The following PANK1 variants were observed in gnomAD, a reference collection of about 807,000 sequenced individuals.
PANK1 encodes pantothenic acid kinase 1.
In PANK1, 18 loss-of-function variants were observed where a neutral mutation model predicts 40.1. That is an observed-to-expected ratio of 0.45 (90% CI 0.31 to 0.67). The LOEUF is 0.67. Among genes scored for constraint, PANK1 ranks in the 30% least tolerant of loss-of-function variants. The pLI is 0.06. For synonymous variants in PANK1, 242 were observed against 237.7 expected (o/e 1.02, Z -0.17); for missense variants, 457 against 599.6 (o/e 0.76, Z 2.48).
At chr10:89,610,300 T>C (rs1312608983) in intron 2 of PANK1, among the ~76,000 whole-genome samples, 1 of 152,168 alleles carries the variant, frequency 6.6e-6, no homozygotes, top group Non-Finnish European at 1.5e-5. Flanking sequence ...TCAATGGTTT[T>C]TCCATTATGG....
chr10:89,629,737 G>C (rs893358583), intron 1 of PANK1, among the ~76,000 whole-genome samples: 3 of 152,154 alleles, frequency 2.0e-5, no homozygotes, highest in African/African-American at 7.2e-5. Flanking sequence ...ATTTATTTCT[G>C]TACTTTATTT....
At chr10:89,643,967 A>C in intron 1 of PANK1, 9 of 877,970 alleles carry the variant, frequency 1.0e-5, no homozygotes, top group Non-Finnish European at 1.1e-5. Flanking sequence ...TCCACCTCCA[A>C]TCCTCATTGG....
At chr10:89,599,086 A>T in intron 3 of PANK1, 166 bp downstream of exon 3, 1 of 624,906 alleles carries the variant, frequency 1.6e-6, no homozygotes, top group South Asian at 2.1e-5. Flanking sequence ...CATTTATATA[A>T]ATCACCCACA....
At chr10:89,638,190 C>T (rs1841877557) in intron 1 of PANK1, among the ~76,000 whole-genome samples, 1 of 152,220 alleles carries the variant, frequency 6.6e-6, no homozygotes, top group Non-Finnish European at 1.5e-5. Flanking sequence ...TATGATACCA[C>T]TGGGCAATAA....
chr10:89,620,142 T>G (rs1434717061), intron 1 of PANK1, among the ~76,000 whole-genome samples: 3 of 152,200 alleles, frequency 2.0e-5, no homozygotes, highest in African/African-American at 7.2e-5. Flanking sequence ...CTGTGTTGAT[T>G]GCGTTAACTG....
At chr10:89,599,615 A>T in intron 2 of PANK1, 110 bp from the exon 3 acceptor site, 2 of 1,048,192 alleles carry the variant, frequency 1.9e-6, no homozygotes, top group Non-Finnish European at 2.8e-6. Context: ...AAGCATGGAG[A>T]CACCCTTAAA....
intron 1 of PANK1, among the ~76,000 whole-genome samples, chr10:89,615,725 A>G (rs11185796): frequency 0.15 from 23,034 of 152,100 alleles, 2,173 homozygotes; most frequent in East Asian, 0.45. Flanking sequence ...CTATGTTTAT[A>G]TCTTACCTCC....
intron 1 of PANK1, among the ~76,000 whole-genome samples, chr10:89,635,294 T>C (rs1211168375): frequency 1.3e-5 from 2 of 152,164 alleles, no homozygotes; most frequent in Non-Finnish European, 1.5e-5. Context: ...TTCTAGAGGC[T>C]AGTAAGGCCA....
intron 1 of PANK1, among the ~76,000 whole-genome samples, chr10:89,625,454 C>A (rs1358736130): frequency 6.6e-6 from 1 of 152,164 alleles, no homozygotes; most frequent in African/African-American, 2.4e-5. Context: ...CATGACTAAA[C>A]CCCATGGCTG....
intron 2 of PANK1, among the ~76,000 whole-genome samples, chr10:89,611,132 C>T (rs1447426086): frequency 6.6e-6 from 1 of 152,186 alleles, no homozygotes; most frequent in Non-Finnish European, 1.5e-5. Context: ...TAAAATTATA[C>T]TCCCTAAATG....
intron 1 of PANK1, among the ~76,000 whole-genome samples, chr10:89,627,375 T>C (rs763723565): frequency 1.8e-4 from 28 of 152,150 alleles, no homozygotes; most frequent in Non-Finnish European, 5.9e-5. Flanking sequence ...TTAAAGTATA[T>C]GGGATGATAT....
At chr10:89,613,668 G>A (rs936315073) in intron 1 of PANK1, among the ~76,000 whole-genome samples, 4 of 152,188 alleles carry the variant, frequency 2.6e-5, no homozygotes, top group Non-Finnish European at 4.4e-5. Context: ...CTTTGCAGAC[G>A]TTTACAAAGC....
At chr10:89,644,078 G>C (rs1049188813) in intron 1 of PANK1, 7 of 245,398 alleles carry the variant, frequency 2.9e-5, no homozygotes, top group Admixed American at 1.0e-4. Flanking sequence ...TGTGATTTTG[G>C]GGGGTAGTTA....
At chr10:89,642,462 C>T (rs981052931) in intron 1 of PANK1, among the ~76,000 whole-genome samples, 2 of 152,208 alleles carry the variant, frequency 1.3e-5, no homozygotes, top group Non-Finnish European at 2.9e-5. Context: ...TGCTTCGCCA[C>T]CAGCACACAC....
At chr10:89,630,500 T>G (rs968874977) in intron 1 of PANK1, among the ~76,000 whole-genome samples, 3 of 65,590 alleles carry the variant, frequency 4.6e-5, no homozygotes, top group Non-Finnish European at 8.4e-5. Flanking sequence ...AGTTTTTTTG[T>G]TTTTTTTTTT....
In PANK1 at chr10:89,584,214, C is replaced by T; in HGVS notation, c.*192G>A. Reference sequence around the variant, plus strand: ...TACAGAAAAAAAACCTTTTATATTCCCCCGTTTTGAATCATTAGCTCAAAA... The same window carrying T: ...TACAGAAAAAAAACCTTTTATATTCTCCCGTTTTGAATCATTAGCTCAAAA... On this transcript the variant is annotated 3_prime_UTR_variant, in exon 7 of 7. Coordinates refer to ENST00000307534, the MANE Select transcript of PANK1 (RefSeq NM_148977.3). 2 of 519,786 alleles carry T rather than the reference C, an allele frequency of 3.8e-6. No homozygotes were observed. Among genetic ancestry groups the T allele is most frequent in the Non-Finnish European group, 6.9e-6 (2 of 288,248 alleles). The allele number at this position is 519,786 out of a possible 1,614,324, so 32.2% of individuals were successfully genotyped here. A position where few individuals can be genotyped will look rare whatever the true frequency, so the allele number is the denominator to read the frequency against.
chr10:89,621,630 G>T (rs1175533052), intron 1 of PANK1, among the ~76,000 whole-genome samples: 1 of 152,176 alleles, frequency 6.6e-6, no homozygotes, highest in Non-Finnish European at 1.5e-5. Flanking sequence ...GGTCTGAGGT[G>T]AGGTGTCTGT....
chr10:89,597,211 T>C (rs144188490), intron 3 of PANK1, among the ~76,000 whole-genome samples: 5 of 152,346 alleles, frequency 3.3e-5, no homozygotes, highest in African/African-American at 1.2e-4. Context: ...AAATGTGTTT[T>C]ACACACTCAT....
intron 2 of PANK1, among the ~76,000 whole-genome samples, chr10:89,605,681 C>T (rs1844941232): frequency 1.3e-5 from 2 of 152,132 alleles, no homozygotes; most frequent in African/African-American, 2.4e-5. Flanking sequence ...TCACTTCTTC[C>T]AAACTCCTCC....
Sources: gnomAD v4.1 joint callset for allele counts (sites outside exome capture counted in the v4.1 genomes callset) on GRCh38, gnomAD v4.1.1 for gene constraint, MANE v1.5 for transcripts, NCBI Gene and HGNC (gene_info 2026-07-23, HGNC 2026-07-21) for gene names.